The following MEIS2 variants were observed in gnomAD, a reference collection of about 807,000 sequenced individuals.
The protein encoded by MEIS2 is homeobox protein Meis2.
Under a neutral mutation model 58.6 loss-of-function variants are expected in MEIS2, and 9 were observed. The ratio of observed to expected loss-of-function variants is 0.15; its 90% CI spans 0.09 to 0.27. The LOEUF (loss-of-function observed/expected upper bound fraction) is 0.27. Among genes scored for constraint, MEIS2 ranks in the 10% least tolerant of loss-of-function variants. MEIS2 has a pLI of 1.00. For missense variants in MEIS2, 427 were observed against 635.0 expected, an observed-to-expected ratio of 0.67 and a Z score of 3.52; for synonymous variants, 221 against 228.4, an observed-to-expected ratio of 0.97 and a Z score of 0.29.
intron 9 of MEIS2, among the ~76,000 whole-genome samples, chr15:36,947,405 A>G (rs2058605764): frequency 6.6e-6 from 1 of 151,916 alleles, no homozygotes. Flanking sequence ...AAAGTTCATC[A>G]TTACTGGCTG....
chr15:36,946,599 T>C (rs761551979), intron 9 of MEIS2, among the ~76,000 whole-genome samples: 32 of 152,020 alleles, frequency 2.1e-4, no homozygotes, highest in Non-Finnish European at 4.1e-4. Context: ...TTTATATCAT[T>C]GTATGAAATC....
intron 1 of MEIS2, 40 bp from the exon 2 acceptor site, chr15:37,098,239 A>C (rs75232629): frequency 0.13 from 195,805 of 1,526,092 alleles, 13,349 homozygotes; most frequent in African/African-American, 0.15. Context: ...GCAGGAGGTG[A>C]GGGAGAACAG....
chr15:37,022,137 C>G (rs2061545914), intron 8 of MEIS2, among the ~76,000 whole-genome samples: 1 of 151,850 alleles, frequency 6.6e-6, no homozygotes, highest in Non-Finnish European at 1.5e-5. Context: ...AATGGAATTA[C>G]TAGATCAAAG....
At chr15:37,100,712 T>C (rs1596147775), upstream of MEIS2, among the ~76,000 whole-genome samples, 1 of 149,260 alleles carries the variant, frequency 6.7e-6, no homozygotes, top group East Asian at 2.0e-4. Flanking sequence ...TGTGTGAGTG[T>C]GTGTGTATGT....
intron 8 of MEIS2, among the ~76,000 whole-genome samples, chr15:37,003,918 C>A (rs920437660): frequency 3.9e-5 from 6 of 152,200 alleles, no homozygotes; most frequent in African/African-American, 1.4e-4. Flanking sequence ...TCACCAGACA[C>A]TGAATTTGCC....
At chr15:36,938,280 C>T (rs566959267) in intron 9 of MEIS2, among the ~76,000 whole-genome samples, 16 of 151,638 alleles carry the variant, frequency 1.1e-4, no homozygotes, top group African/African-American at 2.9e-4. Flanking sequence ...TCCCCTTGTG[C>T]GGTCCCACAG....
At chr15:37,096,141 C>T (rs1894209879) in intron 3 of MEIS2, 148 bp downstream of exon 3, 1 of 820,086 alleles carries the variant, frequency 1.2e-6, no homozygotes, top group Non-Finnish European at 1.8e-6. Flanking sequence ...CCCCCAGGCT[C>T]AGGGATGGGG....
At chr15:37,087,477 T>C (rs1310656679) in intron 6 of MEIS2, among the ~76,000 whole-genome samples, 1 of 152,082 alleles carries the variant, frequency 6.6e-6, no homozygotes, top group African/African-American at 2.4e-5. Flanking sequence ...CAGGAGACAA[T>C]ATGGGCAGAG....
At chr15:37,042,508 G>A (rs1311911918) in intron 7 of MEIS2, among the ~76,000 whole-genome samples, 2 of 152,184 alleles carry the variant, frequency 1.3e-5, no homozygotes, top group Admixed American at 1.3e-4. Flanking sequence ...TTGGAGTCCA[G>A]GCATGGCAAC....
At chr15:37,058,315 C>G (rs1888721403) in intron 7 of MEIS2, among the ~76,000 whole-genome samples, 2 of 152,204 alleles carry the variant, frequency 1.3e-5, no homozygotes, top group African/African-American at 2.4e-5. Flanking sequence ...ATTTTTCACT[C>G]TATTACACAG....
At chr15:37,100,739 G>T (rs922737849), upstream of MEIS2, among the ~76,000 whole-genome samples, 2 of 151,204 alleles carry the variant, frequency 1.3e-5, no homozygotes, top group South Asian at 4.2e-4. Flanking sequence ...GTGCGCGCGT[G>T]TGTGTTGCGC....
chr15:36,939,605 C>G (rs1324459841), intron 9 of MEIS2, among the ~76,000 whole-genome samples: 1 of 151,964 alleles, frequency 6.6e-6, no homozygotes, highest in Non-Finnish European at 1.5e-5. Flanking sequence ...CATACCATCT[C>G]CATGATGTGC....
chr15:37,034,888 T>C (rs145049471), intron 8 of MEIS2, among the ~76,000 whole-genome samples: 69 of 152,146 alleles, frequency 4.5e-4, no homozygotes, highest in African/African-American at 1.6e-3. Flanking sequence ...TCTCGGGCCC[T>C]TGTCTCAGCT....
At chr15:36,975,059 C>T (rs570469254) in intron 8 of MEIS2, among the ~76,000 whole-genome samples, 1 of 152,272 alleles carries the variant, frequency 6.6e-6, no homozygotes, top group African/African-American at 2.4e-5. Context: ...AAACACCTAC[C>T]ATATGTTCAT....
At chr15:37,055,422 T>C (rs2063100834) in intron 7 of MEIS2, among the ~76,000 whole-genome samples, 1 of 152,184 alleles carries the variant, frequency 6.6e-6, no homozygotes, top group South Asian at 2.1e-4. Flanking sequence ...GTGTGTGTTT[T>C]TCCCCCCACT....
intron 7 of MEIS2, among the ~76,000 whole-genome samples, chr15:37,040,397 A>G (rs2062373615): frequency 6.6e-6 from 1 of 152,104 alleles, no homozygotes; most frequent in Non-Finnish European, 1.5e-5. Flanking sequence ...ACTTTTTGCC[A>G]ACCCCCACGG....
At chr15:37,045,114 T>G (rs1476914052) in intron 7 of MEIS2, among the ~76,000 whole-genome samples, 1 of 152,174 alleles carries the variant, frequency 6.6e-6, no homozygotes, top group Non-Finnish European at 1.5e-5. Context: ...GAGACACATG[T>G]CATACACTGC....
chr15:37,091,236 A>G (rs1373882217), intron 6 of MEIS2, among the ~76,000 whole-genome samples: 1 of 152,178 alleles, frequency 6.6e-6, no homozygotes, highest in African/African-American at 2.4e-5. Context: ...CTGGACATGA[A>G]TACAATCAAT....
chr15:36,892,307 G>A lies in MEIS2; in HGVS notation c.1300C>T (p.His434Tyr), dbSNP rs1191659094. 2.5e-6 allele frequency: 4 copies of A among 1,613,732 alleles called. No individual in the cohort carries two copies. Among genetic ancestry groups the A allele is most frequent in the Non-Finnish European group, 3.4e-6 (4 of 1,179,924 alleles). The change falls in exon 12 of 12, where the codon CAC (histidine) becomes TAC (tyrosine). Residue 434 changes from histidine to tyrosine, a missense_variant. By Grantham distance (83) the His-to-Tyr change is moderately conservative. Transcript: ENST00000561208. ...PMHSYLPSHP[H>Y]HPAMMMHGGP... ...CCGTGCATCATCATGGCTGGGTGGT[G>A]GGGATGGCTTGGCAAATATGAATGC...
Sources: allele counts gnomAD v4.1 joint callset (sites outside exome capture counted in the v4.1 genomes callset), GRCh38; gene constraint gnomAD v4.1.1; transcripts MANE v1.5; gene names NCBI Gene and HGNC (gene_info 2026-07-23, HGNC 2026-07-21).